The following PHTF1 variants were observed in gnomAD, a reference collection of about 807,000 sequenced individuals.
PHTF1 encodes protein PHTF1.
Under a neutral mutation model 102.4 loss-of-function variants are expected in PHTF1, and 88 were observed. That is an observed-to-expected ratio of 0.86 (90% confidence interval 0.72 to 1.03). The LOEUF (loss-of-function observed/expected upper bound fraction) is 1.03. Ranked by LOEUF, PHTF1 falls within the 50% of genes least tolerant of loss-of-function variation. The pLI is 0.00. For synonymous variants in PHTF1, 289 were observed against 305.2 expected (o/e 0.95, Z 0.55); for missense variants, 814 against 909.5 (o/e 0.89, Z 1.35).
intron 5 of PHTF1, among the ~76,000 whole-genome samples, chr1:113,732,810 A>C (rs1471889841): frequency 6.6e-6 from 1 of 152,176 alleles, no homozygotes; most frequent in African/African-American, 2.4e-5. Flanking sequence ...AAAAATACTT[A>C]ATTTTACCCT....
intron 7 of PHTF1, 34 bp from the exon 8 acceptor site, chr1:113,713,472 T>G (rs1651489437): frequency 8.0e-7 from 1 of 1,254,286 alleles, no homozygotes; most frequent in Non-Finnish European, 1.1e-6. Context: ...AGATTAATTT[T>G]TTGAAAGTAA....
intron 3 of PHTF1, among the ~76,000 whole-genome samples, chr1:113,744,373 G>C (rs1329450879): frequency 6.6e-6 from 1 of 152,172 alleles, no homozygotes; most frequent in Non-Finnish European, 1.5e-5. Context: ...AACCCTGTGA[G>C]AAATCTCTAT....
chr1:113,733,091 G>A (rs1654945552), intron 5 of PHTF1, among the ~76,000 whole-genome samples: 2 of 72,036 alleles, frequency 2.8e-5, no homozygotes, highest in Non-Finnish European at 4.9e-5. Flanking sequence ...TTTTTGTAGA[G>A]ATGGGATCTC....
At chr1:113,756,889 C>T (rs1006976457) in intron 3 of PHTF1, among the ~76,000 whole-genome samples, 1 of 152,108 alleles carries the variant, frequency 6.6e-6, no homozygotes, top group African/African-American at 2.4e-5. Context: ...TACTCTAGGC[C>T]GGGCGCGGTG....
intron 7 of PHTF1, among the ~76,000 whole-genome samples, chr1:113,717,903 G>A (rs946151183): frequency 6.6e-6 from 1 of 152,004 alleles, no homozygotes. Flanking sequence ...TTTGGGTGGG[G>A]ACACAGCCAA....
At chr1:113,715,858 T>C (rs1016856564) in intron 7 of PHTF1, among the ~76,000 whole-genome samples, 1 of 149,922 alleles carries the variant, frequency 6.7e-6, no homozygotes, top group African/African-American at 2.4e-5. Context: ...ACAGCAGAAT[T>C]GATCAAGCAG....
At chr1:113,728,225 G>A (rs867327410) in intron 5 of PHTF1, among the ~76,000 whole-genome samples, 17 of 152,266 alleles carry the variant, frequency 1.1e-4, no homozygotes, top group Middle Eastern at 3.4e-3. Context: ...TTAACAACCA[G>A]AATATATAAG....
rs1036587142 is a variant in PHTF1, at chr1:113,699,691, G to A, written c.2142+13C>T. The A allele has an allele frequency of 2.9e-6, 3 of 1,027,458 alleles. No homozygotes were observed. In the African/African-American group the frequency reaches 4.7e-5, roughly 16 times the overall value. 63.6% of individuals were successfully genotyped at this position (1,027,458 alleles called of 1,614,324 possible). On this transcript the variant is annotated intron_variant, in intron 17 of 18. Transcript: ENST00000369604. Reference sequence around the variant, plus strand: ...CAAATGATAGTAAAAGTGTATCATAGCCTATGACTTACTTTCAACAACTTG... The same window carrying A: ...CAAATGATAGTAAAAGTGTATCATAACCTATGACTTACTTTCAACAACTTG...
In PHTF1 at chr1:113,758,514, C is replaced by CTT. The variant is rs200794989; in HGVS notation, c.45+143_45+144dup. On this transcript the variant is annotated intron_variant, in intron 2 of 18. Coordinates refer to ENST00000369604, the MANE Select transcript of PHTF1 (RefSeq NM_001323043.2). ...TAAAAGACATAATGACCTTGTACAT[C>CTT]TTTTTTTTTTTTTTTTCATTTATGT... 7.3e-3 allele frequency: 2,422 copies of CTT among 329,670 alleles called. 9 individuals are homozygous for CTT. Among genetic ancestry groups the CTT allele is most frequent in the Admixed American group, 0.026 (489 of 18,998 alleles). The allele number at this position is 329,670 out of a possible 1,614,324, so 20.4% of individuals were successfully genotyped here.
chr1:113,713,115 A>T (rs1207319361), intron 8 of PHTF1, among the ~76,000 whole-genome samples, 164 bp downstream of exon 8: 1 of 152,160 alleles, frequency 6.6e-6, no homozygotes, highest in African/African-American at 2.4e-5. Flanking sequence ...TTTTAAGACT[A>T]AGTTCCAGTC....
Position 113,705,715 on chromosome 1 carries a change from A to G in PHTF1, c.1671+175T>C, listed in dbSNP as rs1003987380. ...GGCAAAATTTCAGATTACAACGTGTAATATGTAAATAGTCAATAACACAAA... is the reference window on the plus strand; with the variant it reads ...GGCAAAATTTCAGATTACAACGTGTGATATGTAAATAGTCAATAACACAAA... On this transcript the variant is annotated intron_variant, in intron 13 of 18. Transcript: ENST00000369604. 9.9e-6 allele frequency: 6 copies of G among 605,736 alleles called. No homozygotes were observed. In the African/African-American group the frequency reaches 1.1e-4, roughly 11 times the overall value. The allele number at this position is 605,736 out of a possible 1,614,324, so 37.5% of individuals were successfully genotyped here. A position where few individuals can be genotyped will look rare whatever the true frequency, so the allele number is the denominator to read the frequency against.
At chr1:113,699,942 C>T in intron 16 of PHTF1, 143 bp from the exon 17 acceptor site, 1 of 677,642 alleles carries the variant, frequency 1.5e-6, no homozygotes, top group South Asian at 2.2e-5. Flanking sequence ...GAACATATGT[C>T]ATGTGCTCTA....
At chr1:113,697,839 A>T (rs1235226006) in intron 18 of PHTF1, 114 bp from the exon 19 acceptor site, 2 of 720,616 alleles carry the variant, frequency 2.8e-6, no homozygotes, top group Non-Finnish European at 4.8e-6. Flanking sequence ...AAAATGTATC[A>T]AGTCTGGCAA....
At chr1:113,716,585 A>G (rs1174887642) in intron 7 of PHTF1, among the ~76,000 whole-genome samples, 1 of 152,028 alleles carries the variant, frequency 6.6e-6, no homozygotes, top group Non-Finnish European at 1.5e-5. Flanking sequence ...TCTGGCCTCA[A>G]GCAATCCTCC....
intron 18 of PHTF1, 142 bp from the exon 19 acceptor site, chr1:113,697,867 C>A: frequency 1.6e-6 from 1 of 634,924 alleles, no homozygotes. Context: ...CATAGAACAT[C>A]ATAGAGAAAA....
rs908934205 is a variant in PHTF1 at position 113,700,083 on chromosome 1, C to T, written c.2047-284G>A. ...TACTTGCAACATAACATAATTAGCA[C>T]GTAAGCACCTTGAGTTCAAAACCTC... On this transcript the variant is annotated intron_variant, in intron 16 of 18. Coordinates refer to ENST00000369604, the MANE Select transcript of PHTF1 (RefSeq NM_001323043.2). 8 of 1,079,642 alleles carry T rather than the reference C, an allele frequency of 7.4e-6. No individual in the cohort carries two copies. The South Asian group carries it at 1.8e-4, about 24-fold the overall frequency. The allele number at this position is 1,079,642 out of a possible 1,614,324, so 66.9% of individuals were successfully genotyped here. A position where few individuals can be genotyped will look rare whatever the true frequency, so the allele number is the denominator to read the frequency against.
intron 15 of PHTF1, among the ~76,000 whole-genome samples, chr1:113,702,808 TA>T: frequency 6.6e-6 from 1 of 152,188 alleles, no homozygotes; most frequent in Non-Finnish European, 1.5e-5. Context: ...GCAATGAAAT[TA>T]ACATCAAATC....
intron 5 of PHTF1, among the ~76,000 whole-genome samples, chr1:113,727,679 G>A (rs148979177): frequency 2.5e-4 from 38 of 152,240 alleles, no homozygotes; most frequent in African/African-American, 8.7e-4. Flanking sequence ...AAAGAATTTG[G>A]TTGGCGGCTG....
intron 14 of PHTF1, 89 bp downstream of exon 14, chr1:113,704,577 G>A (rs143746237): frequency 2.9e-4 from 276 of 939,854 alleles, no homozygotes; most frequent in Middle Eastern, 4.5e-4. Flanking sequence ...CTGACACCCA[G>A]AACTACACTG....
Sources: gnomAD v4.1 joint callset for allele counts (sites outside exome capture counted in the v4.1 genomes callset) on GRCh38, gnomAD v4.1.1 for gene constraint, MANE v1.5 for transcripts, NCBI Gene and HGNC (gene_info 2026-07-23, HGNC 2026-07-21) for gene names.